SERPINA7: variants seen among roughly 807,000 people sequenced by gnomAD.
SERPINA7 encodes the protein thyroxine-binding globulin.
Under a neutral mutation model 16.0 loss-of-function variants are expected in SERPINA7, and 14 were observed. The ratio of observed to expected loss-of-function variants is 0.88; its 90% CI spans 0.58 to 1.37. The LOEUF is 1.37. Ranked by LOEUF, SERPINA7 falls within the 40% of genes most tolerant of loss-of-function variation. SERPINA7 has a pLI of 0.00. For synonymous variants in SERPINA7, 140 were observed against 111.0 expected (o/e 1.26, Z -1.65); for missense variants, 335 against 296.6 (o/e 1.13, Z -0.95).
In SERPINA7 at chrX:106,034,269, C is replaced by T; in HGVS notation, c.1010G>A (p.Gly337Glu). Reference protein sequence around the residue: ...HAYSENADFSGLTEDNGLKLS... With the variant: ...HAYSENADFSELTEDNGLKLS... The stretch of plus-strand genomic sequence containing the variant: ...TTTCAGACCATTGTCCTCTGTGAGT[C>T]CAGAAAAATCAGCATTTTCAGAATA... The change falls in exon 4 of 5, where the codon GGA (glycine) becomes GAA (glutamate). Residue 337 changes from glycine (G) to glutamate (E), a missense_variant. Physicochemically the swap from Gly to Glu is moderately conservative, Grantham distance 98 (BLOSUM62 -2). Coordinates refer to ENST00000372563, the MANE Select transcript of SERPINA7 (RefSeq NM_000354.6). The T allele has an allele frequency of 1.7e-6, 2 of 1,210,148 alleles. No individual in the cohort carries two copies. The highest frequency in any genetic ancestry group is 2.2e-6 in the Non-Finnish European group (2 of 894,262).
At chrX:106,037,630 C>T (rs977443755) in intron 1 of SERPINA7, among the ~76,000 whole-genome samples, 5 of 110,744 alleles carry the variant, frequency 4.5e-5, no homozygotes, top group African/African-American at 9.9e-5. Flanking sequence ...TATGGAGCCA[C>T]GTACAAGGTC....
chrX:106,033,381 T>C lies in SERPINA7; in HGVS notation c.*119A>G. 1 of 919,651 alleles carries C rather than the reference T, an allele frequency of 1.1e-6. No homozygotes were observed. Among genetic ancestry groups the C allele is most frequent in the Non-Finnish European group, 1.6e-6 (1 of 633,009 alleles). 75.8% of individuals were successfully genotyped at this position (919,651 alleles called of 1,213,427 possible). On this transcript the variant is annotated 3_prime_UTR_variant, in exon 5 of 5. Transcript: ENST00000372563. ...CCAACAAAGTTCAGCCAGGGTTCAA[T>C]CTTCATCCCATCATAAGGGAATGCA...
Position 106,033,656 on chromosome X carries a change from A to G in SERPINA7, c.1092T>C (p.Ala364=), listed in dbSNP as rs747964745. 9.1e-6 allele frequency: 11 copies of G among 1,209,689 alleles called. No homozygotes were observed. In the South Asian group the frequency reaches 1.2e-4, roughly 14 times the overall value. ...AAAGTTCAACTTCAGGGACAGCTGC[A>G]GCTTCAGTTCCCTTTTCACCAATGT... ...VLHIGEKGTE[A]AAVPEVELSD... The change falls in exon 5 of 5, where the codon GCT becomes GCC. Residue 364 remains alanine, a synonymous_variant. Coordinates refer to ENST00000372563, the MANE Select transcript of SERPINA7 (RefSeq NM_000354.6).
Position 106,035,361 on chromosome X carries a change from G to T in SERPINA7, c.647C>A (p.Pro216Gln), listed in dbSNP as rs747483308. 1.7e-5 allele frequency: 21 copies of T among 1,210,867 alleles called. No homozygotes were observed. Among genetic ancestry groups the T allele is most frequent in the Non-Finnish European group, 2.1e-5 (19 of 894,703 alleles). Residue 216 changes from proline to glutamine, a missense_variant, in exon 3 of 5, where the codon CCA becomes CAA. Coordinates refer to ENST00000372563, the MANE Select transcript of SERPINA7 (RefSeq NM_000354.6). ...GCTGGAACTGTCTTCTGTCTTGGAT[G>T]GATCAAAAGGATTTGCCCACTGGGC... is the stretch of plus-strand genomic sequence containing the variant. ...FKAQWANPFD[P>Q]SKTEDSSSFL...
At chrX:106,033,888 G>T in intron 4 of SERPINA7, 185 bp from the exon 5 acceptor site, 1 of 895,020 alleles carries the variant, frequency 1.1e-6, no homozygotes, top group Non-Finnish European at 1.5e-6. Flanking sequence ...TCTACGGCTA[G>T]CCATTGGGAA....
In SERPINA7 at chrX:106,035,345, G is replaced by T. The variant is rs1170563190; in HGVS notation, c.663C>A (p.Asp221Glu). 1 of 1,209,313 alleles carries T rather than the reference G, an allele frequency of 8.3e-7. No individual in the cohort carries two copies. Among genetic ancestry groups the T allele is most frequent in the Non-Finnish European group, 1.1e-6 (1 of 894,244 alleles). ...TCTTGTCTATTAAGAAGCTGGAACT[G>T]TCTTCTGTCTTGGATGGATCAAAAG... The part of the protein sequence containing the change: ...ANPFDPSKTE[D>E]SSSFLIDKTT... Residue 221 changes from aspartate to glutamate, a missense_variant, in exon 3 of 5, where the codon GAC becomes GAA. Transcript: ENST00000372563.
At chrX:106,037,305 C>T in intron 1 of SERPINA7, 2 of 382,563 alleles carry the variant, frequency 5.2e-6, no homozygotes, top group Non-Finnish European at 9.1e-6. Flanking sequence ...GGAAATAATG[C>T]CATGGACTGT....
At position 106,036,602 on chromosome X, in the gene SERPINA7, G is replaced by A. The variant is rs185176881; in HGVS notation, c.457C>T (p.Leu153Phe). 1.2e-5 allele frequency: 14 copies of A among 1,208,783 alleles called. No individual in the cohort carries two copies. In the Admixed American group the frequency reaches 2.6e-4, roughly 23 times the overall value. The change falls in exon 2 of 5, where the codon CTC becomes TTC. Residue 153 changes from leucine to phenylalanine, a missense_variant. Coordinates refer to ENST00000372563, the MANE Select transcript of SERPINA7 (RefSeq NM_000354.6). Reference protein sequence around the residue: ...LAKFLNDVKTLYETEVFSTDF... With the variant: ...LAKFLNDVKTFYETEVFSTDF... Reference sequence around the variant, plus strand: ...GTAGAAAAGACTTCAGTCTCATAGAGGGTCTTGACATCATTCAAGAACTTT... The same window carrying A: ...GTAGAAAAGACTTCAGTCTCATAGAAGGTCTTGACATCATTCAAGAACTTT...
At chrX:106,037,157 C>G (rs1423472158) in intron 1 of SERPINA7, 82 bp from the exon 2 acceptor site, 1 of 738,396 alleles carries the variant, frequency 1.4e-6, no homozygotes, top group Non-Finnish European at 2.1e-6. Flanking sequence ...ATAATAACCA[C>G]CCACATTGAT....
chrX:106,033,440 T>C lies in SERPINA7; in HGVS notation c.*60A>G. On this transcript the variant is annotated 3_prime_UTR_variant, in exon 5 of 5. Coordinates refer to ENST00000372563, the MANE Select transcript of SERPINA7 (RefSeq NM_000354.6). ...CTCACATCAATCACACCAGGCTATATTATTTATTTATTTCCCATTGCAATA... is the reference window on the plus strand; with the variant it reads ...CTCACATCAATCACACCAGGCTATACTATTTATTTATTTCCCATTGCAATA... 8.9e-7 allele frequency: 1 copy of C among 1,126,241 alleles called. No individual in the cohort carries two copies. 92.8% of individuals were successfully genotyped at this position (1,126,241 alleles called of 1,213,427 possible).
chrX:106,037,320 C>T (rs1205370463), intron 1 of SERPINA7: 1 of 366,144 alleles, frequency 2.7e-6, no homozygotes, highest in Non-Finnish European at 4.7e-6. Context: ...GACTGTCATT[C>T]AGATGTTATA....
At chrX:106,033,753 C>G in intron 4 of SERPINA7, 50 bp from the exon 5 acceptor site, 2 of 1,210,572 alleles carry the variant, frequency 1.7e-6, no homozygotes, top group Non-Finnish European at 2.2e-6. Context: ...CAGGAACAGT[C>G]TTTGGGAAGG....
At chrX:106,037,192 A>T in intron 1 of SERPINA7, 117 bp from the exon 2 acceptor site, 1 of 593,117 alleles carries the variant, frequency 1.7e-6, no homozygotes, top group Non-Finnish European at 2.7e-6. Context: ...TAAATATTTG[A>T]TGATGTGCTC....
In SERPINA7 at chrX:106,037,063, G is replaced by T. The variant is rs757483324; in HGVS notation, c.-5C>A. ...CAGATACAGGAATGGTGACATTTTGGAAGGAAGTTAATCTATAAGAGATGA... is the reference window on the plus strand; with the variant it reads ...CAGATACAGGAATGGTGACATTTTGTAAGGAAGTTAATCTATAAGAGATGA... On this transcript the variant is annotated 5_prime_UTR_variant, in exon 2 of 5. Transcript: ENST00000372563. 8.3e-7 allele frequency: 1 copy of T among 1,208,409 alleles called. No individual in the cohort carries two copies. The highest frequency in any genetic ancestry group is 1.1e-6 in the Non-Finnish European group (1 of 892,945).
In SERPINA7 at chrX:106,036,576, G is replaced by T. The variant is rs756916897; in HGVS notation, c.483C>A (p.Thr161=). 1.5e-5 allele frequency: 18 copies of T among 1,209,190 alleles called. No homozygotes were observed. The East Asian group carries it at 3.3e-4, about 22-fold the overall frequency. ...KTLYETEVFS[T]DFSNISAAKQ... ...TGGCTGCAGAAATGTTGGAGAAGTC[G>T]GTAGAAAAGACTTCAGTCTCATAGA... Residue 161 remains threonine, a synonymous_variant, in exon 2 of 5, where the codon ACC becomes ACA. Coordinates refer to ENST00000372563, the MANE Select transcript of SERPINA7 (RefSeq NM_000354.6).
In SERPINA7 at chrX:106,035,376, G is replaced by T. The variant is rs1223983386; in HGVS notation, c.632C>A (p.Ala211Glu). ...TGTCTTGGATGGATCAAAAGGATTT[G>T]CCCACTGGGCTTAAAATACAAAGAA... is the stretch of plus-strand genomic sequence containing the variant. The part of the protein sequence containing the change: ...VNYIHFKAQW[A>E]NPFDPSKTED... Residue 211 changes from alanine to glutamate, a missense_variant, in exon 3 of 5, where the codon GCA (alanine) becomes GAA (glutamate). By Grantham distance (107) the Ala-to-Glu change is moderately radical. Coordinates refer to ENST00000372563, the MANE Select transcript of SERPINA7 (RefSeq NM_000354.6). 2 of 1,210,114 alleles carry T rather than the reference G, an allele frequency of 1.7e-6. No homozygotes were observed. Among genetic ancestry groups the T allele is most frequent in the Non-Finnish European group, 1.1e-6 (1 of 894,080 alleles).
At chrX:106,038,472 C>T (rs1312914326) in intron 1 of SERPINA7, among the ~76,000 whole-genome samples, 2 of 111,113 alleles carry the variant, frequency 1.8e-5, no homozygotes, top group African/African-American at 6.5e-5. Flanking sequence ...CCATACCAAC[C>T]CCCTTTGTTC....
chrX:106,034,409 T>A (rs2041432679), intron 3 of SERPINA7, 27 bp from the exon 4 acceptor site: 7 of 1,167,039 alleles, frequency 6.0e-6, no homozygotes, highest in Non-Finnish European at 8.2e-6. Flanking sequence ...AGGGAACACA[T>A]GGCAATCACC....
intron 4 of SERPINA7, 40 bp from the exon 5 acceptor site, chrX:106,033,743 C>T: frequency 8.3e-7 from 1 of 1,210,827 alleles, no homozygotes; most frequent in South Asian, 1.8e-5. Context: ...TCTGAAGAAA[C>T]AGGAACAGTC....
Sources: gnomAD v4.1 joint callset for allele counts (sites outside exome capture counted in the v4.1 genomes callset) on GRCh38, gnomAD v4.1.1 for gene constraint, MANE v1.5 for transcripts, NCBI Gene and HGNC (gene_info 2026-07-23, HGNC 2026-07-21) for gene names.